ILRUN: variants seen among roughly 807,000 people sequenced by gnomAD.
ILRUN encodes protein ILRUN.
ILRUN carries 3 observed loss-of-function variants against 33.8 expected under a neutral mutation model. That is an observed-to-expected ratio of 0.09 (90% confidence interval 0.04 to 0.23). The LOEUF (loss-of-function observed/expected upper bound fraction) is 0.23, where lower values mean the gene tolerates loss of function less well. Ranked by LOEUF, ILRUN falls within the 10% of genes least tolerant of loss-of-function variation. ILRUN has a pLI of 1.00. For synonymous variants in ILRUN, 124 were observed against 138.9 expected (o/e 0.89, Z 0.75); for missense variants, 210 against 375.1 (o/e 0.56, Z 3.64).
At chr6:34,658,249 T>C (rs1056923793) in intron 1 of ILRUN, among the ~76,000 whole-genome samples, 11 of 151,048 alleles carry the variant, frequency 7.3e-5, no homozygotes, top group African/African-American at 2.2e-4. Flanking sequence ...GAGGATGAGA[T>C]AGGCGAATTG....
rs149309885 is a variant in ILRUN, at chr6:34,600,398, T to G, written c.861+6157A>C. Among the ~76,000 whole-genome samples, 3 of 152,300 alleles carry G rather than the reference T, an allele frequency of 2.0e-5. No homozygotes were observed. The East Asian group carries it at 5.8e-4, about 29-fold the overall frequency. The stretch of plus-strand genomic sequence containing the variant: ...TAAAATATTCTTTCTCCAGATAGGC[T>G]TTACAGAAACAAAACTCGATTTTAA... On this transcript the variant is annotated intron_variant, in intron 4 of 4. Transcript: ENST00000374023.
At chr6:34,683,409 TATATATATACATATATATAC>T (rs368700512) in intron 1 of ILRUN, among the ~76,000 whole-genome samples, 1 of 99,656 alleles carries the variant, frequency 1.0e-5, no homozygotes, top group East Asian at 2.6e-4. Flanking sequence ...CATATATACA[TATATATATACATATATATAC>T]ATATATATAT....
At chr6:34,669,034 A>T (rs1333357247) in intron 1 of ILRUN, among the ~76,000 whole-genome samples, 2 of 151,920 alleles carry the variant, frequency 1.3e-5, no homozygotes, top group African/African-American at 4.8e-5. Context: ...TAGTAGAGGC[A>T]GGGTTTCACC....
At chr6:34,597,876 G>C (rs1224135308) in intron 4 of ILRUN, among the ~76,000 whole-genome samples, 2 of 152,150 alleles carry the variant, frequency 1.3e-5, no homozygotes, top group Non-Finnish European at 2.9e-5. Context: ...GAGCCTTCCT[G>C]CATGTGGTTC....
chr6:34,644,971 G>A (rs143029421), intron 3 of ILRUN, among the ~76,000 whole-genome samples: 2 of 152,144 alleles, frequency 1.3e-5, no homozygotes, highest in African/African-American at 4.8e-5. Flanking sequence ...AGGCCAGATC[G>A]TGAGCCTTAT....
At chr6:34,679,196 A>T (rs1763305474) in intron 1 of ILRUN, among the ~76,000 whole-genome samples, 1 of 151,812 alleles carries the variant, frequency 6.6e-6, no homozygotes, top group Non-Finnish European at 1.5e-5. Flanking sequence ...ACAGGATCAC[A>T]TTTTTTACCT....
chr6:34,686,154 G>A (rs1763511784), intron 1 of ILRUN, among the ~76,000 whole-genome samples: 1 of 152,108 alleles, frequency 6.6e-6, no homozygotes, highest in Non-Finnish European at 1.5e-5. Context: ...CAGAATGGGA[G>A]AAAACAGTGC....
intron 3 of ILRUN, among the ~76,000 whole-genome samples, chr6:34,630,960 C>A (rs370820905): frequency 1.3e-5 from 2 of 152,282 alleles, no homozygotes; most frequent in African/African-American, 4.8e-5. Flanking sequence ...TAATGTTTAT[C>A]TCTAGCATTT....
At chr6:34,648,449 C>G (rs1352254107) in intron 2 of ILRUN, among the ~76,000 whole-genome samples, 1 of 152,166 alleles carries the variant, frequency 6.6e-6, no homozygotes, top group Non-Finnish European at 1.5e-5. Context: ...CTCCTTGGGT[C>G]TTAAGGGGTA....
chr6:34,643,801 CA>C (rs1412555336), intron 3 of ILRUN, among the ~76,000 whole-genome samples: 2 of 152,230 alleles, frequency 1.3e-5, no homozygotes, highest in Non-Finnish European at 2.9e-5. Flanking sequence ...CTCCCAGGTT[CA>C]AACAATTCTC....
chr6:34,683,529 C>CATATATATATATATATATATATAT (rs1562033466), intron 1 of ILRUN, among the ~76,000 whole-genome samples: 1 of 82,216 alleles, frequency 1.2e-5, no homozygotes, highest in African/African-American at 7.7e-5. Context: ...TATATATATA[C>CATATATATATATATATATATATAT]ATATTGCACA....
intron 3 of ILRUN, among the ~76,000 whole-genome samples, chr6:34,620,077 TG>T (rs1761981961): frequency 6.6e-6 from 1 of 151,698 alleles, no homozygotes; most frequent in Non-Finnish European, 1.5e-5. Flanking sequence ...CATTTGCTAG[TG>T]TTTGCTAAAA....
Position 34,654,535 on chromosome 6 carries a change from A to G in ILRUN, c.313+90T>C, listed in dbSNP as rs558212735. 1.8e-5 allele frequency: 24 copies of G among 1,363,744 alleles called. No individual in the cohort carries two copies. The African/African-American group carries it at 3.2e-4, about 18-fold the overall frequency. 84.5% of individuals were successfully genotyped at this position (1,363,744 alleles called of 1,614,324 possible). A position where few individuals can be genotyped will look rare whatever the true frequency, so the allele number is the denominator to read the frequency against. ...GTAAGAGAAAGCTCGCAGTTACACAATCACATACATAAGCTAAAACATTTC... is the reference window on the plus strand; with the variant it reads ...GTAAGAGAAAGCTCGCAGTTACACAGTCACATACATAAGCTAAAACATTTC... On this transcript the variant is annotated intron_variant, in intron 2 of 4. Coordinates refer to ENST00000374023, the MANE Select transcript of ILRUN (RefSeq NM_024294.4).
Position 34,635,359 on chromosome 6 carries a change from G to A in ILRUN, c.511+11242C>T, listed in dbSNP as rs551203715. Among the ~76,000 whole-genome samples, 5 of 152,054 alleles carry A rather than the reference G, an allele frequency of 3.3e-5. No individual in the cohort carries two copies. The South Asian group carries it at 6.2e-4, about 19-fold the overall frequency. On this transcript the variant is annotated intron_variant, in intron 3 of 4. Transcript: ENST00000374023. The stretch of plus-strand genomic sequence containing the variant: ...ACCCTGGGCAACATAGCAAAACCCC[G>A]TCTCTAATCAAAATGCACATTAGCG...
chr6:34,615,333 C>A (rs1761863066), intron 3 of ILRUN, among the ~76,000 whole-genome samples: 1 of 152,174 alleles, frequency 6.6e-6, no homozygotes, highest in Admixed American at 6.5e-5. Flanking sequence ...TGGTGGCTCA[C>A]ACCTGTAGTC....
chr6:34,640,225 A>G (rs1481685564), intron 3 of ILRUN, among the ~76,000 whole-genome samples: 1 of 152,008 alleles, frequency 6.6e-6, no homozygotes, highest in Non-Finnish European at 1.5e-5. Context: ...AGGTCTTGTA[A>G]TATGCCCCAC....
At chr6:34,600,859 C>T (rs1761492854) in intron 4 of ILRUN, among the ~76,000 whole-genome samples, 3 of 152,284 alleles carry the variant, frequency 2.0e-5, no homozygotes, top group Admixed American at 6.5e-5. Context: ...TGTACTTGAA[C>T]ACTGCAATTG....
intron 3 of ILRUN, among the ~76,000 whole-genome samples, chr6:34,640,032 TG>T (rs1489756681): frequency 6.6e-6 from 1 of 150,416 alleles, no homozygotes; most frequent in Non-Finnish European, 1.5e-5. Context: ...TGGGGTGGAG[TG>T]GGAAGGGGTA....
At chr6:34,607,487 A>G (rs1428303174) in intron 3 of ILRUN, among the ~76,000 whole-genome samples, 1 of 152,244 alleles carries the variant, frequency 6.6e-6, no homozygotes, top group African/African-American at 2.4e-5. Context: ...TATTTGACCA[A>G]AAGACACCAA....
Sources: allele counts gnomAD v4.1 joint callset (sites outside exome capture counted in the v4.1 genomes callset), GRCh38; gene constraint gnomAD v4.1.1; transcripts MANE v1.5; gene names NCBI Gene and HGNC (gene_info 2026-07-23, HGNC 2026-07-21).